RPL27A: variants seen among roughly 807,000 people sequenced by gnomAD.
The protein encoded by RPL27A is large ribosomal subunit protein uL15.
For missense variants in RPL27A, 118 were observed against 189.4 expected, an observed-to-expected ratio of 0.62 and a Z score of 2.21; for synonymous variants, 69 against 68.3, an observed-to-expected ratio of 1.01 and a Z score of -0.05.
intron 4 of RPL27A, chr11:8,685,315 T>C (rs1314421670): frequency 2.0e-6 from 1 of 510,948 alleles, no homozygotes; most frequent in Non-Finnish European, 3.8e-6. Flanking sequence ...GCCAGAACCC[T>C]AGGGACGCTT....
chr11:8,684,568 A>C (rs768456107), intron 3 of RPL27A, 150 bp from the exon 4 acceptor site: 4 of 715,284 alleles, frequency 5.6e-6, no homozygotes, highest in Non-Finnish European at 9.6e-6. Context: ...TTTTTAAAAC[A>C]GTTGTTTAAG....
chr11:8,683,019 A>C, intron 1 of RPL27A, 183 bp from the exon 2 acceptor site: 1 of 852,230 alleles, frequency 1.2e-6, no homozygotes, highest in South Asian at 1.7e-5. Flanking sequence ...TCTCTAGGAC[A>C]CGCGGGCCCC....
intron 3 of RPL27A, 148 bp downstream of exon 3, chr11:8,684,229 C>T (rs750565657): frequency 7.6e-6 from 6 of 788,518 alleles, no homozygotes; most frequent in African/African-American, 1.7e-5. Context: ...AACCTGTCAT[C>T]GAGGCTAGAG....
At chr11:8,684,124 TAGGGGCAGAGAG>T in intron 3 of RPL27A, 43 bp downstream of exon 3, 4 of 1,534,882 alleles carry the variant, frequency 2.6e-6, no homozygotes, top group Non-Finnish European at 2.7e-6. Flanking sequence ...GCTTGGGAGG[TAGGGGCAGAGAG>T]AGGGCTGGCT....
At chr11:8,683,168 C>A (rs1480703448) in intron 1 of RPL27A, 34 bp from the exon 2 acceptor site, 3 of 1,608,256 alleles carry the variant, frequency 1.9e-6, no homozygotes, top group Admixed American at 3.3e-5. Context: ...GCCCCTAATT[C>A]CTTAGGCCTT....
At chr11:8,682,887 A>G in intron 1 of RPL27A, 71 bp downstream of exon 1, 4 of 1,533,790 alleles carry the variant, frequency 2.6e-6, no homozygotes, top group Non-Finnish European at 3.5e-6. Context: ...CATTGCCCCT[A>G]GTCATCCACT....
Position 8,685,882 on chromosome 11 carries a change from C to A in RPL27A, c.*76C>A. The A allele has an allele frequency of 6.9e-7, 1 of 1,443,628 alleles. No homozygotes were observed. 89.4% of individuals were successfully genotyped at this position (1,443,628 alleles called of 1,614,324 possible). A position where few individuals can be genotyped will look rare whatever the true frequency, so the allele number is the denominator to read the frequency against. Reference sequence around the variant, plus strand: ...GTGAGTGTAGGTTCTTCAGTGGCACCTCTACATCCTGTGTGCATTGGGAGC... The same window carrying A: ...GTGAGTGTAGGTTCTTCAGTGGCACATCTACATCCTGTGTGCATTGGGAGC... On this transcript the variant is annotated 3_prime_UTR_variant, in exon 5 of 5. Coordinates refer to ENST00000314138, the MANE Select transcript of RPL27A (RefSeq NM_000990.5).
At position 8,689,152 on chromosome 11, in the gene RPL27A, C is replaced by G. The variant is rs1262498462; in HGVS notation, c.*3346C>G. The G allele has an allele frequency of 1.3e-5, 2 of 152,412 alleles. No homozygotes were observed. The highest frequency in any genetic ancestry group is 3.9e-4 in the East Asian group (2 of 5,182). The allele number at this position is 152,412 out of a possible 1,614,324, so 9.4% of individuals were successfully genotyped here. ...GGGATGTTCAACTCCACCCCTGGTCCTTGGGCGGCCGTGGGTCCCCTTCGA... is the reference window on the plus strand; with the variant it reads ...GGGATGTTCAACTCCACCCCTGGTCGTTGGGCGGCCGTGGGTCCCCTTCGA... On this transcript the variant is annotated 3_prime_UTR_variant, in exon 5 of 5. Coordinates refer to ENST00000314138, the MANE Select transcript of RPL27A (RefSeq NM_000990.5).
At position 8,687,392 on chromosome 11, in the gene RPL27A, A is replaced by ACCCCCCC; in HGVS notation, c.*1588_*1594dup. On this transcript the variant is annotated 3_prime_UTR_variant, in exon 5 of 5. Transcript: ENST00000314138. ...GGGCAACAAGAGTGAAACTCTGTCCACCCCCCCCAAAAAAAGTAAGGGCTC... is the reference window on the plus strand; with the variant it reads ...GGGCAACAAGAGTGAAACTCTGTCCACCCCCCCCCCCCCCCAAAAAAAGTAAGGGCTC... 8.6e-6 allele frequency: 1 copy of ACCCCCCC among 116,818 alleles called. No individual in the cohort carries two copies. The highest frequency in any genetic ancestry group is 2.9e-4 in the East Asian group (1 of 3,480). The allele number at this position is 116,818 out of a possible 1,614,324, so 7.2% of individuals were successfully genotyped here. A position where few individuals can be genotyped will look rare whatever the true frequency, so the allele number is the denominator to read the frequency against.
rs563468490 is a variant in RPL27A, at chr11:8,683,765, C to A, written c.68-241C>A. 2,484 of 545,886 alleles carry A rather than the reference C, an allele frequency of 4.6e-3. 17 individuals are homozygous for A. The highest frequency in any genetic ancestry group is 0.011 in the Middle Eastern group (22 of 1,950). 33.8% of individuals were successfully genotyped at this position (545,886 alleles called of 1,614,324 possible). A position where few individuals can be genotyped will look rare whatever the true frequency, so the allele number is the denominator to read the frequency against. ...AAATCTCGGCTCACTGCAACCCCTGCCTGCCGGGCTCAAGCGATTCTCCTG... is the reference window on the plus strand; with the variant it reads ...AAATCTCGGCTCACTGCAACCCCTGACTGCCGGGCTCAAGCGATTCTCCTG... On this transcript the variant is annotated intron_variant, in intron 2 of 4. Transcript: ENST00000314138.
rs2039600166 is a variant in RPL27A, at chr11:8,687,669, C to A, written c.*1863C>A. 1 of 152,286 alleles carries A rather than the reference C, an allele frequency of 6.6e-6. No homozygotes were observed. The highest frequency in any genetic ancestry group is 6.5e-5 in the Admixed American group (1 of 15,298). The allele number at this position is 152,286 out of a possible 1,614,324, so 9.4% of individuals were successfully genotyped here. ...TTTGAGACGGAGTCTCGCTCTGTCG[C>A]CCAGGCTGGAGTGCAGTGGTGCGAT... On this transcript the variant is annotated 3_prime_UTR_variant, in exon 5 of 5. Coordinates refer to ENST00000314138, the MANE Select transcript of RPL27A (RefSeq NM_000990.5).
rs1777763625 is a variant in RPL27A, at chr11:8,685,915, C to G, written c.*109C>G. ...CCTGTGTGCATTGGGAGCCCAGGTT[C>G]TAGTACTTAGGGTATGAAGACATGG... On this transcript the variant is annotated 3_prime_UTR_variant, in exon 5 of 5. Coordinates refer to ENST00000314138, the MANE Select transcript of RPL27A (RefSeq NM_000990.5). 9.3e-7 allele frequency: 1 copy of G among 1,078,988 alleles called. No individual in the cohort carries two copies. 66.8% of individuals were successfully genotyped at this position (1,078,988 alleles called of 1,614,324 possible).
intron 1 of RPL27A, 21 bp from the exon 2 acceptor site, chr11:8,683,181 C>T: frequency 6.2e-7 from 1 of 1,613,780 alleles, no homozygotes. Flanking sequence ...TAGGCCTTAC[C>T]ACCAAGCTTT....
intron 3 of RPL27A, 153 bp downstream of exon 3, chr11:8,684,234 C>G (rs2039556813): frequency 2.6e-6 from 2 of 781,504 alleles, no homozygotes; most frequent in South Asian, 2.7e-5. Flanking sequence ...GTCATCGAGG[C>G]TAGAGTCACG....
intron 1 of RPL27A, 29 bp downstream of exon 1, chr11:8,682,845 C>G (rs771859983): frequency 6.2e-7 from 1 of 1,607,738 alleles, no homozygotes; most frequent in Admixed American, 1.7e-5. Flanking sequence ...GCCTCCTCTT[C>G]CTTGCCGGCG....
At position 8,688,617 on chromosome 11, in the gene RPL27A, T is replaced by A. The variant is rs1232131775; in HGVS notation, c.*2811T>A. 1.3e-5 allele frequency: 2 copies of A among 152,242 alleles called. No individual in the cohort carries two copies. The highest frequency in any genetic ancestry group is 2.9e-5 in the Non-Finnish European group (2 of 68,048). 9.4% of individuals were successfully genotyped at this position (152,242 alleles called of 1,614,324 possible). A position where few individuals can be genotyped will look rare whatever the true frequency, so the allele number is the denominator to read the frequency against. ...CTTGAATTGCAAAAGATCTAATTTC[T>A]GGTCTAATGTATATATGCCTTAAAT... On this transcript the variant is annotated 3_prime_UTR_variant, in exon 5 of 5. Transcript: ENST00000314138.
chr11:8,683,054 G>T, intron 1 of RPL27A, 148 bp from the exon 2 acceptor site: 2 of 895,638 alleles, frequency 2.2e-6, no homozygotes, highest in South Asian at 1.6e-5. Context: ...GAGACCTCAC[G>T]GCCCTGAGCG....
In RPL27A at chr11:8,687,746, A is replaced by T. The variant is rs2039600890; in HGVS notation, c.*1940A>T. 6.6e-6 allele frequency: 1 copy of T among 152,232 alleles called. No homozygotes were observed. Among genetic ancestry groups the T allele is most frequent in the African/African-American group, 2.4e-5 (1 of 41,460 alleles). 9.4% of individuals were successfully genotyped at this position (152,232 alleles called of 1,614,324 possible). On this transcript the variant is annotated 3_prime_UTR_variant, in exon 5 of 5. Transcript: ENST00000314138. ...TAGGTTCAGACCATTCTCCTGCCTCAGCTTCCCAAGTAGCTGGGACTACAG... is the reference window on the plus strand; with the variant it reads ...TAGGTTCAGACCATTCTCCTGCCTCTGCTTCCCAAGTAGCTGGGACTACAG...
rs1478016645 is a variant in RPL27A, at chr11:8,689,146, CT to C, written c.*3341del. 6.6e-6 allele frequency: 1 copy of C among 152,302 alleles called. No homozygotes were observed. Among genetic ancestry groups the C allele is most frequent in the Admixed American group, 6.5e-5 (1 of 15,282 alleles). The allele number at this position is 152,302 out of a possible 1,614,324, so 9.4% of individuals were successfully genotyped here. On this transcript the variant is annotated 3_prime_UTR_variant, in exon 5 of 5. Coordinates refer to ENST00000314138, the MANE Select transcript of RPL27A (RefSeq NM_000990.5). Reference sequence around the variant, plus strand: ...AGAGGCGGGATGTTCAACTCCACCCCTGGTCCTTGGGCGGCCGTGGGTCCCC... The same window carrying C: ...AGAGGCGGGATGTTCAACTCCACCCCGGTCCTTGGGCGGCCGTGGGTCCCC...
Sources: gnomAD v4.1 joint callset for allele counts on GRCh38, gnomAD v4.1.1 for gene constraint, MANE v1.5 for transcripts, NCBI Gene and HGNC (gene_info 2026-07-23, HGNC 2026-07-21) for gene names.